LRRFIP2: variants seen among roughly 807,000 people sequenced by gnomAD.
LRRFIP2 encodes the protein LRR binding FLII interacting protein 2, also known as leucine-rich repeat flightless-interacting protein 2.
In LRRFIP2, 109 loss-of-function variants were observed where a neutral mutation model predicts 125.9. The ratio of observed to expected loss-of-function variants is 0.87; its 90% CI spans 0.74 to 1.01. The LOEUF is 1.01. Ranked by LOEUF, LRRFIP2 falls within the 50% of genes least tolerant of loss-of-function variation. LRRFIP2 has a pLI of 0.00. For missense variants in LRRFIP2, 850 were observed against 862.3 expected, an observed-to-expected ratio of 0.99 and a Z score of 0.18; for synonymous variants, 291 against 293.1, an observed-to-expected ratio of 0.99 and a Z score of 0.07.
At chr3:37,107,721 T>C (rs539765830) in intron 13 of LRRFIP2, among the ~76,000 whole-genome samples, 2 of 152,282 alleles carry the variant, frequency 1.3e-5, no homozygotes, top group South Asian at 4.1e-4. Flanking sequence ...AATGGCTCAA[T>C]GTGCAGAATG....
chr3:37,135,135 T>C (rs1195142485), intron 2 of LRRFIP2: 2 of 1,235,518 alleles, frequency 1.6e-6, no homozygotes, highest in African/African-American at 3.0e-5. Flanking sequence ...TAACCTGCAT[T>C]ATAGCTGGAA....
chr3:37,137,327 A>C (rs141655358), intron 2 of LRRFIP2, among the ~76,000 whole-genome samples: 1 of 152,268 alleles, frequency 6.6e-6, no homozygotes, highest in East Asian at 1.9e-4. Context: ...AGAAGGGTTA[A>C]GTAACTTGCC....
Position 37,083,742 on chromosome 3 carries a change from T to G in LRRFIP2, c.1172A>C (p.Asn391Thr), listed in dbSNP as rs2092821871. 1 of 1,603,344 alleles carries G rather than the reference T, an allele frequency of 6.2e-7. No individual in the cohort carries two copies. Among genetic ancestry groups the G allele is most frequent in the Non-Finnish European group, 8.5e-7 (1 of 1,176,570 alleles). Reference sequence around the variant, plus strand: ...TTGGTAGATCAAATTGTTCTTCTCATTGTCTAACTGTGCATTGGAAACCAT... The same window carrying G: ...TTGGTAGATCAAATTGTTCTTCTCAGTGTCTAACTGTGCATTGGAAACCAT... ...KAMVSNAQLD[N>T]EKNNLIYQVD... The change falls in exon 19 of 28, where the codon AAT (asparagine) becomes ACT (threonine). Residue 391 changes from asparagine (N) to threonine (T), a missense_variant. By Grantham distance (65) the Asn-to-Thr change is moderately conservative. Transcript: ENST00000336686.
At chr3:37,080,216 G>C (rs930966202) in intron 19 of LRRFIP2, among the ~76,000 whole-genome samples, 1 of 152,040 alleles carries the variant, frequency 6.6e-6, no homozygotes, top group African/African-American at 2.4e-5. Context: ...GACCAACAAA[G>C]TGAAACCCCA....
chr3:37,147,215 T>C (rs2095877684), intron 2 of LRRFIP2, among the ~76,000 whole-genome samples: 1 of 152,162 alleles, frequency 6.6e-6, no homozygotes, highest in African/African-American at 2.4e-5. Flanking sequence ...CAACAGATGC[T>C]GACGAGGCTG....
intron 19 of LRRFIP2, among the ~76,000 whole-genome samples, chr3:37,082,819 T>C (rs2092746648): frequency 6.6e-6 from 1 of 152,208 alleles, no homozygotes; most frequent in African/African-American, 2.4e-5. Context: ...AGTAATAATG[T>C]TGGTCTCCTA....
intron 6 of LRRFIP2, among the ~76,000 whole-genome samples, chr3:37,116,842 T>C (rs1180828379): frequency 1.3e-5 from 2 of 152,118 alleles, no homozygotes; most frequent in East Asian, 3.8e-4. Context: ...CTGGTATAAA[T>C]TCATTGAAAA....
chr3:37,142,148 CTTT>C (rs1006144645), intron 2 of LRRFIP2, among the ~76,000 whole-genome samples: 8 of 129,734 alleles, frequency 6.2e-5, no homozygotes, highest in Non-Finnish European at 4.9e-5. Context: ...ATTTTTCCTA[CTTT>C]TTTTTTTTTT....
rs1156957534 is a variant in LRRFIP2 at position 37,052,718 on chromosome 3, C to T, written c.*1133G>A. ...TATGTGCCTTTAGTCACTAGATTTT[C>T]CCCCAATATATTTTCTGTGTAAGCA... On this transcript the variant is annotated 3_prime_UTR_variant, in exon 28 of 28. Transcript: ENST00000336686. The T allele has an allele frequency of 2.0e-5, 3 of 151,958 alleles. No individual in the cohort carries two copies. The highest frequency in any genetic ancestry group is 2.9e-5 in the Non-Finnish European group (2 of 67,986). 9.4% of individuals were successfully genotyped at this position (151,958 alleles called of 1,614,324 possible).
At chr3:37,110,843 C>A in intron 9 of LRRFIP2, 148 bp downstream of exon 9, 1 of 613,358 alleles carries the variant, frequency 1.6e-6, no homozygotes, top group Non-Finnish European at 2.8e-6. Flanking sequence ...AAAGAGACTC[C>A]CACAGACTAT....
chr3:37,147,899 T>C (rs2095899234), intron 2 of LRRFIP2, among the ~76,000 whole-genome samples: 1 of 152,208 alleles, frequency 6.6e-6, no homozygotes, highest in Admixed American at 6.5e-5. Context: ...GTGACGCCCC[T>C]TCCCTTTTTC....
intron 18 of LRRFIP2, among the ~76,000 whole-genome samples, chr3:37,085,206 T>C (rs1349758409): frequency 6.6e-6 from 1 of 152,136 alleles, no homozygotes. Flanking sequence ...GTTTTTCAGA[T>C]ACACCAAAAG....
Position 37,128,513 on chromosome 3 carries a change from T to C in LRRFIP2, c.177+550A>G, listed in dbSNP as rs1284959429. ...AGAAAGAAAGAAAAACCAACAATAA[T>C]TCCACCATAGACAAACTGCAGTATT... On this transcript the variant is annotated intron_variant, in intron 3 of 27. Transcript: ENST00000336686. 2.0e-5 allele frequency among the ~76,000 whole-genome samples: 3 copies of C among 152,178 alleles called. No homozygotes were observed. The East Asian group carries it at 5.8e-4, about 29-fold the overall frequency.
intron 1 of LRRFIP2, among the ~76,000 whole-genome samples, chr3:37,156,726 A>G (rs926185164): frequency 2.0e-5 from 3 of 151,538 alleles, no homozygotes; most frequent in African/African-American, 7.3e-5. Flanking sequence ...ACTAGGTGAA[A>G]AAAAGGCATG....
intron 27 of LRRFIP2, 54 bp downstream of exon 27, chr3:37,054,354 CAGA>C: frequency 2.9e-6 from 4 of 1,373,478 alleles, no homozygotes; most frequent in Non-Finnish European, 4.1e-6. Context: ...GAATTATTTC[CAGA>C]AGATTTTTTC....
At chr3:37,059,528 C>T (rs1284305659) in intron 24 of LRRFIP2, among the ~76,000 whole-genome samples, 1 of 152,116 alleles carries the variant, frequency 6.6e-6, no homozygotes, top group Non-Finnish European at 1.5e-5. Flanking sequence ...GTGGCTCACG[C>T]CTGTAATCCC....
chr3:37,058,791 C>A lies in LRRFIP2; in HGVS notation c.1869G>T (p.Gln623His). Residue 623 changes from glutamine (Q) to histidine (H), a missense_variant and splice_region_variant, in exon 25 of 28, where the codon CAG (glutamine) becomes CAT (histidine). Gln to His is a conservative substitution (Grantham distance 24). Transcript: ENST00000336686. ...NGSDLQFIEM[Q>H]RDANRQISEY... ...ACTGGCCTGTCCCCTGGTACCTACTCTGCATTTCGATGAACTGCAAGTCTG... is the reference window on the plus strand; with the variant it reads ...ACTGGCCTGTCCCCTGGTACCTACTATGCATTTCGATGAACTGCAAGTCTG... 1.9e-6 allele frequency: 3 copies of A among 1,613,932 alleles called. No individual in the cohort carries two copies. The South Asian group carries it at 3.3e-5, about 18-fold the overall frequency.
chr3:37,126,974 A>T (rs1303506243), intron 4 of LRRFIP2, among the ~76,000 whole-genome samples: 1 of 152,158 alleles, frequency 6.6e-6, no homozygotes, highest in Non-Finnish European at 1.5e-5. Flanking sequence ...CAATAAAAAT[A>T]CCTGTGGGCA....
chr3:37,112,718 C>T (rs2094596869), intron 8 of LRRFIP2, among the ~76,000 whole-genome samples, 197 bp downstream of exon 8: 1 of 152,180 alleles, frequency 6.6e-6, no homozygotes, highest in Non-Finnish European at 1.5e-5. Context: ...ATAGTACTAA[C>T]TCTGGCTGCT....
Sources: gnomAD v4.1 joint callset for allele counts (sites outside exome capture counted in the v4.1 genomes callset) on GRCh38, gnomAD v4.1.1 for gene constraint, MANE v1.5 for transcripts, NCBI Gene and HGNC (gene_info 2026-07-23, HGNC 2026-07-21) for gene names.